The following RBM38 variants were observed in gnomAD, a reference collection of about 807,000 sequenced individuals.
RBM38 encodes RNA-binding protein 38.
In RBM38, 11 loss-of-function variants were observed where a neutral mutation model predicts 23.5. The observed-to-expected ratio is 0.47, with a 90% confidence interval of 0.29 to 0.77. The LOEUF is 0.77. Among genes scored for constraint, RBM38 ranks in the 30% least tolerant of loss-of-function variants. RBM38 has a pLI of 0.08. For missense variants in RBM38, 330 were observed against 351.9 expected, an observed-to-expected ratio of 0.94 and a Z score of 0.50; for synonymous variants, 165 against 166.1, an observed-to-expected ratio of 0.99 and a Z score of 0.05.
chr20:57,406,509 C>T (rs1282662419), intron 3 of RBM38, among the ~76,000 whole-genome samples: 2 of 152,156 alleles, frequency 1.3e-5, no homozygotes, highest in African/African-American at 2.4e-5. Flanking sequence ...AAGACCAAGC[C>T]GACGGGGTGA....
intron 2 of RBM38, 143 bp from the exon 3 acceptor site, chr20:57,393,136 G>A: frequency 1.2e-6 from 1 of 831,772 alleles, no homozygotes; most frequent in South Asian, 1.5e-5. Flanking sequence ...GGTTCACAAG[G>A]GGGAGGCCTG....
rs903413147 is a variant in RBM38 at position 57,391,635 on chromosome 20, G to A, written c.54G>A (p.Leu18=). ...CAPSAGFPRP[L]AAPGAMHGSQ... ...CGAGCGCGGGCTTCCCGCGGCCCCT[G>A]GCCGCCCCCGGCGCCATGCACGGCT... The change falls in exon 1 of 4, where the codon CTG becomes CTA. Residue 18 remains leucine, a synonymous_variant. Coordinates refer to ENST00000356208, the MANE Select transcript of RBM38 (RefSeq NM_017495.6). 2.4e-5 allele frequency: 35 copies of A among 1,460,170 alleles called. 1 individual carries two copies. The Admixed American group carries it at 4.0e-4, about 17-fold the overall frequency. The allele number at this position is 1,460,170 out of a possible 1,614,324, so 90.5% of individuals were successfully genotyped here. A position where few individuals can be genotyped will look rare whatever the true frequency, so the allele number is the denominator to read the frequency against.
In RBM38 at chr20:57,407,511, C is replaced by T; in HGVS notation, c.417-32C>T. 6.2e-7 allele frequency: 1 copy of T among 1,604,372 alleles called. No individual in the cohort carries two copies. Among genetic ancestry groups the T allele is most frequent in the Non-Finnish European group, 8.5e-7 (1 of 1,172,846 alleles). On this transcript the variant is annotated intron_variant, in intron 3 of 3. Coordinates refer to ENST00000356208, the MANE Select transcript of RBM38 (RefSeq NM_017495.6). This position sits in a 1 kb window ranked among gnomAD's most constrained non-coding sequence, Gnocchi z 4.0. ...CCCAGCTGTATTCCCCAACTCCGTT[C>T]TGGCCCTAACCTGCTCTGCTTGGCC... is the stretch of plus-strand genomic sequence containing the variant.
At chr20:57,401,086 C>T (rs1184079560) in intron 3 of RBM38, among the ~76,000 whole-genome samples, 3 of 151,470 alleles carry the variant, frequency 2.0e-5, no homozygotes, top group Admixed American at 6.5e-5. Flanking sequence ...TGCGCCTGGC[C>T]GCTGGTCTGT....
At chr20:57,399,883 G>T (rs1262981240) in intron 3 of RBM38, 1 of 456,342 alleles carries the variant, frequency 2.2e-6, no homozygotes, top group Non-Finnish European at 4.4e-6. Flanking sequence ...TGGAGAGCAG[G>T]GAAAGTGAAA....
At chr20:57,394,902 G>T (rs574861977) in intron 3 of RBM38, among the ~76,000 whole-genome samples, 8 of 152,116 alleles carry the variant, frequency 5.3e-5, no homozygotes, top group Non-Finnish European at 8.8e-5. Flanking sequence ...GCCTTCCCAC[G>T]TGCGTCTGGG....
rs368322258 is a variant in RBM38, at chr20:57,407,733, G to T, written c.607G>T (p.Val203Leu). ...AASPATAASF[V>L]GYSYPAAVPQ... ...CTCGCCTGCCACGGCTGCCAGCTTC[G>T]TGGGCTACAGCTACCCTGCCGCCGT... The change falls in exon 4 of 4, where the codon GTG (valine) becomes TTG (leucine). Residue 203 changes from valine to leucine, a missense_variant. This residue lies in a region of RBM38 where 227 missense variants were observed against 216.4 expected (regional missense o/e 1.05). Transcript: ENST00000356208. The surrounding 1 kb of genome is among the most constrained non-coding windows in gnomAD (Gnocchi z 4.0). The T allele has an allele frequency of 4.3e-6, 7 of 1,611,522 alleles. No homozygotes were observed. The highest frequency in any genetic ancestry group is 5.9e-6 in the Non-Finnish European group (7 of 1,179,624).
Position 57,407,821 on chromosome 20 carries a change from A to T in RBM38, c.695A>T (p.Gln232Leu). The T allele has an allele frequency of 6.3e-7, 1 of 1,580,182 alleles. No individual in the cohort carries two copies. The highest frequency in any genetic ancestry group is 8.6e-7 in the Non-Finnish European group (1 of 1,166,476). Residue 232 changes from glutamine (Q) to leucine (L), a missense_variant, in exon 4 of 4, where the codon CAG becomes CTG. Gln to Leu is a moderately radical substitution (Grantham distance 113). This residue lies in a region of RBM38 where 227 missense variants were observed against 216.4 expected (regional missense o/e 1.05). Transcript: ENST00000356208. The surrounding 1 kb of genome is among the most constrained non-coding windows in gnomAD (Gnocchi z 4.0). Reference protein sequence around the residue: ...GTTFVQYQAPQLQPDRMQ With the variant: ...GTTFVQYQAPLLQPDRMQ Reference sequence around the variant, plus strand: ...ACTTTCGTGCAGTACCAGGCGCCGCAGCTGCAGCCTGACAGGATGCAGTGA... The same window carrying T: ...ACTTTCGTGCAGTACCAGGCGCCGCTGCTGCAGCCTGACAGGATGCAGTGA...
chr20:57,391,662 G>C lies in RBM38; in HGVS notation c.81G>C (p.Ser27=). 6.7e-7 allele frequency: 1 copy of C among 1,500,916 alleles called. No homozygotes were observed. The highest frequency in any genetic ancestry group is 8.9e-7 in the Non-Finnish European group (1 of 1,121,394). 93.0% of individuals were successfully genotyped at this position (1,500,916 alleles called of 1,614,324 possible). The change falls in exon 1 of 4, where the codon TCG becomes TCC. Residue 27 remains serine (S), a synonymous_variant. Transcript: ENST00000356208. ...PLAAPGAMHG[S]QKDTTFTKIF... is the part of the protein sequence containing the mutation. The stretch of plus-strand genomic sequence containing the variant: ...CCGCCCCCGGCGCCATGCACGGCTC[G>C]CAGAAGGACACCACGTTCACCAAGA...
chr20:57,393,143 C>T lies in RBM38; in HGVS notation c.362-136C>T, dbSNP rs1209346295. 4 of 867,630 alleles carry T rather than the reference C, an allele frequency of 4.6e-6. No individual in the cohort carries two copies. In the Admixed American group the frequency reaches 7.4e-5, roughly 16 times the overall value. 53.7% of individuals were successfully genotyped at this position (867,630 alleles called of 1,614,324 possible). ...TGCCTTGGGGTTCACAAGGGGGAGG[C>T]CTGGGAGGGGAGAGGAAGCGGATGA... On this transcript the variant is annotated intron_variant, in intron 2 of 3. Coordinates refer to ENST00000356208, the MANE Select transcript of RBM38 (RefSeq NM_017495.6).
At position 57,407,432 on chromosome 20, in the gene RBM38, G is replaced by A. The variant is rs567205463; in HGVS notation, c.417-111G>A. 2.4e-6 allele frequency: 3 copies of A among 1,265,790 alleles called. No individual in the cohort carries two copies. Among genetic ancestry groups the A allele is most frequent in the Non-Finnish European group, 2.2e-6 (2 of 907,164 alleles). 78.4% of individuals were successfully genotyped at this position (1,265,790 alleles called of 1,614,324 possible). A position where few individuals can be genotyped will look rare whatever the true frequency, so the allele number is the denominator to read the frequency against. ...GTTTCTGTGCCCATCTGACCGATGA[G>A]GAAAGTCGGGGCTCGGGGTGGGGGG... On this transcript the variant is annotated intron_variant, in intron 3 of 3. Transcript: ENST00000356208. This position sits in a 1 kb window ranked among gnomAD's most constrained non-coding sequence, Gnocchi z 4.0.
In RBM38 at chr20:57,407,051, G is replaced by A. The variant is rs929177670; in HGVS notation, c.417-492G>A. On this transcript the variant is annotated intron_variant, in intron 3 of 3. Coordinates refer to ENST00000356208, the MANE Select transcript of RBM38 (RefSeq NM_017495.6). This position sits in a 1 kb window ranked among gnomAD's most constrained non-coding sequence, Gnocchi z 4.0. ...GCAGGTGTTGGCTGGGAGAGCAGGC[G>A]TGTACATGAGCCAAGTGTGCAGTGT... Among the ~76,000 whole-genome samples the A allele has an allele frequency of 9.2e-5, 14 of 151,816 alleles. No individual in the cohort carries two copies. Among genetic ancestry groups the A allele is most frequent in the African/African-American group, 3.1e-4 (13 of 41,340 alleles).
chr20:57,405,101 C>T (rs2067368138), intron 3 of RBM38, among the ~76,000 whole-genome samples: 1 of 152,226 alleles, frequency 6.6e-6, no homozygotes, highest in Admixed American at 6.5e-5. Flanking sequence ...ATCATTAGGT[C>T]TCTGCAGGCA....
Position 57,408,048 on chromosome 20 carries a change from C to G in RBM38, c.*202C>G. 3.1e-6 allele frequency: 2 copies of G among 639,544 alleles called. No homozygotes were observed. Among genetic ancestry groups the G allele is most frequent in the Non-Finnish European group, 5.4e-6 (2 of 373,418 alleles). The allele number at this position is 639,544 out of a possible 1,614,324, so 39.6% of individuals were successfully genotyped here. On this transcript the variant is annotated 3_prime_UTR_variant, in exon 4 of 4. Coordinates refer to ENST00000356208, the MANE Select transcript of RBM38 (RefSeq NM_017495.6). ...CTCTTTAATCTAGGTCCCATTGTGT[C>G]TTGAGGGAGGACTTTAAGAATGACT...
intron 3 of RBM38, among the ~76,000 whole-genome samples, chr20:57,395,542 A>G (rs914378962): frequency 6.6e-6 from 1 of 152,184 alleles, no homozygotes; most frequent in African/African-American, 2.4e-5. Flanking sequence ...TTGGTTGCCA[A>G]AGGGTGGAGA....
intron 3 of RBM38, among the ~76,000 whole-genome samples, chr20:57,402,094 C>A (rs556758832): frequency 6.6e-6 from 1 of 152,004 alleles, no homozygotes. Context: ...ATTACAGGCA[C>A]GCACCACCAC....
chr20:57,402,194 C>T (rs996571340), intron 3 of RBM38, among the ~76,000 whole-genome samples: 6 of 152,200 alleles, frequency 3.9e-5, no homozygotes, highest in African/African-American at 1.4e-4. Context: ...ATCCGCCCGC[C>T]TCGGCCTCCC....
In RBM38 at chr20:57,391,588, C is replaced by T; in HGVS notation, c.7C>T (p.Leu3=). 1 of 1,295,508 alleles carries T rather than the reference C, an allele frequency of 7.7e-7. No individual in the cohort carries two copies. Among genetic ancestry groups the T allele is most frequent in the South Asian group, 1.8e-5 (1 of 54,894 alleles). 80.3% of individuals were successfully genotyped at this position (1,295,508 alleles called of 1,614,324 possible). ML[L]QPAPCAPSAG... ...AGGCGGCGGGGCGCCCCCCATGCTG[C>T]TGCAGCCCGCGCCGTGCGCCCCGAG... Residue 3 remains leucine (L), a synonymous_variant, in exon 1 of 4, where the codon CTG becomes TTG. Coordinates refer to ENST00000356208, the MANE Select transcript of RBM38 (RefSeq NM_017495.6).
In RBM38 at chr20:57,401,818, G is replaced by A. The variant is rs1049079028; in HGVS notation, c.417-5725G>A. Among the ~76,000 whole-genome samples, 4 of 152,194 alleles carry A rather than the reference G, an allele frequency of 2.6e-5. No homozygotes were observed. In the East Asian group the frequency reaches 5.8e-4, roughly 22 times the overall value. On this transcript the variant is annotated intron_variant, in intron 3 of 3. Coordinates refer to ENST00000356208, the MANE Select transcript of RBM38 (RefSeq NM_017495.6). ...CCAGGGAGGGCGCAGTGCAAGTGGA[G>A]ATGAGTTAGAAGAGGTAGGTTGAGG...
Sources: gnomAD v4.1 joint callset for allele counts (sites outside exome capture counted in the v4.1 genomes callset) on GRCh38, gnomAD v4.1.1 for gene constraint, gnomAD v4.1.1 regional missense constraint, Gnocchi (gnomAD v3.1) non-coding constraint, MANE v1.5 for transcripts, NCBI Gene and HGNC (gene_info 2026-07-23, HGNC 2026-07-21) for gene names.